The following CD6 variants were observed in gnomAD, a reference collection of about 807,000 sequenced individuals.
CD6 encodes CD6 molecule, also known as T-cell differentiation antigen CD6.
A neutral mutation model predicts 75.3 loss-of-function variants in CD6; 53 were observed. That is an observed-to-expected ratio of 0.70 (90% CI 0.56 to 0.88). The LOEUF (loss-of-function observed/expected upper bound fraction) is 0.88, where lower values mean the gene tolerates loss of function less well. CD6 is among the 40% of genes least tolerant of loss of function. The probability of loss-of-function intolerance (pLI) is 0.00; values close to 1 mark genes in which losing one functional copy is unlikely to be tolerated. For missense variants in CD6, 770 were observed against 897.1 expected (o/e 0.86, Z 1.81); for synonymous variants, 359 against 381.5 (o/e 0.94, Z 0.69).
At chr11:61,013,037 C>T (rs1234114262) in intron 6 of CD6, among the ~76,000 whole-genome samples, 1 of 152,234 alleles carries the variant, frequency 6.6e-6, no homozygotes, top group African/African-American at 2.4e-5. Context: ...CTCCGCTAGA[C>T]AAAGCCCCTC....
In CD6 at chr11:61,020,250, C is replaced by T. The variant is rs1859608792; in HGVS notation, c.*932C>T. 2.5e-6 allele frequency: 1 copy of T among 398,840 alleles called. No homozygotes were observed. Among genetic ancestry groups the T allele is most frequent in the Non-Finnish European group, 4.4e-6 (1 of 226,096 alleles). The allele number at this position is 398,840 out of a possible 1,614,324, so 24.7% of individuals were successfully genotyped here. ...GGATGCTCCTGGGAGGGATGCGTGA[C>T]TATGTGGTGTTGCACCCGGGGCTGC... is the stretch of plus-strand genomic sequence containing the variant. On this transcript the variant is annotated 3_prime_UTR_variant, in exon 13 of 13. Coordinates refer to ENST00000313421, the MANE Select transcript of CD6 (RefSeq NM_006725.5).
chr11:61,009,740 G>A lies in CD6; in HGVS notation c.950G>A (p.Gly317Glu), dbSNP rs746338429. The A allele has an allele frequency of 1.2e-6, 2 of 1,614,030 alleles. No homozygotes were observed. The highest frequency in any genetic ancestry group is 1.7e-6 in the Non-Finnish European group (2 of 1,180,012). The change falls in exon 5 of 13, where the codon GGG becomes GAG. Residue 317 changes from glycine to glutamate, a missense_variant. Gly to Glu is a moderately conservative substitution (Grantham distance 98). Transcript: ENST00000313421. ...GGAACTGCGGTTGAGAGGCCCAAGG[G>A]GCTGCCCCACTCCTTGTCCGGCAGG... Reference protein sequence around the residue: ...GCGTAVERPKGLPHSLSGRMY... With the variant: ...GCGTAVERPKELPHSLSGRMY...
chr11:61,003,300 G>C (rs1172936467), intron 1 of CD6, among the ~76,000 whole-genome samples: 3 of 151,998 alleles, frequency 2.0e-5, no homozygotes, highest in African/African-American at 7.2e-5. Flanking sequence ...TCTCAACACA[G>C]GTCATTGGGG....
At chr11:60,985,582 A>G (rs1180220246) in intron 1 of CD6, among the ~76,000 whole-genome samples, 1 of 151,832 alleles carries the variant, frequency 6.6e-6, no homozygotes, top group Non-Finnish European at 1.5e-5. Context: ...GAATATATAT[A>G]TATAAACAAA....
intron 1 of CD6, among the ~76,000 whole-genome samples, chr11:60,978,295 C>T (rs139579051): frequency 0.012 from 1,796 of 152,222 alleles, 33 homozygotes; most frequent in African/African-American, 0.041. Flanking sequence ...TTACGTCCTA[C>T]ACATGAGACC....
rs532938785 is a variant in CD6, at chr11:60,986,768, G to T, written c.49+14854G>T. ...TTCTGCCCCGGAGGCAGCTTTTGTT[G>T]CAGGTACACCTGTGGTTTAGTTTAC... is the stretch of plus-strand genomic sequence containing the variant. On this transcript the variant is annotated intron_variant, in intron 1 of 12. Transcript: ENST00000313421. Among the ~76,000 whole-genome samples, 5 of 152,262 alleles carry T rather than the reference G, an allele frequency of 3.3e-5. No homozygotes were observed. The South Asian group carries it at 1.0e-3, about 32-fold the overall frequency.
At chr11:60,983,276 G>T (rs1313235188) in intron 1 of CD6, among the ~76,000 whole-genome samples, 1 of 151,944 alleles carries the variant, frequency 6.6e-6, no homozygotes, top group African/African-American at 2.4e-5. Flanking sequence ...ATTTTTAGTA[G>T]AGACGGGGTT....
At chr11:60,985,603 A>G (rs1473847578) in intron 1 of CD6, among the ~76,000 whole-genome samples, 1 of 152,126 alleles carries the variant, frequency 6.6e-6, no homozygotes, top group Non-Finnish European at 1.5e-5. Flanking sequence ...GAAAACACTG[A>G]AACCAAAAGT....
In CD6 at chr11:60,982,539, GC is replaced by G. The variant is rs1857611647; in HGVS notation, c.49+10631del. On this transcript the variant is annotated intron_variant, in intron 1 of 12. Transcript: ENST00000313421. ...GGCGCGGGGAGACAGAGCTGAGGAA[GC>G]CCCCCAGGCCTGGAGGAGGCCCGTT... is the stretch of plus-strand genomic sequence containing the variant. 8.8e-6 allele frequency: 4 copies of G among 454,492 alleles called. No homozygotes were observed. The Admixed American group carries it at 9.4e-5, about 11-fold the overall frequency. 28.2% of individuals were successfully genotyped at this position (454,492 alleles called of 1,614,324 possible).
At chr11:60,994,347 A>G (rs1032480620) in intron 1 of CD6, among the ~76,000 whole-genome samples, 7 of 149,684 alleles carry the variant, frequency 4.7e-5, no homozygotes, top group Admixed American at 3.4e-4. Context: ...AGGCTGAGGC[A>G]GGAGAATTGC....
chr11:61,006,042 A>G (rs145863950), intron 1 of CD6, among the ~76,000 whole-genome samples: 9 of 152,346 alleles, frequency 5.9e-5, no homozygotes, highest in African/African-American at 2.2e-4. Context: ...GCACTTTGCA[A>G]TCCAGTGGTT....
chr11:61,018,480 C>CAAGGAGAAAAGGAGAAAGG, intron 12 of CD6, 87 bp downstream of exon 12: 1 of 887,094 alleles, frequency 1.1e-6, no homozygotes, highest in Non-Finnish European at 1.7e-6. Context: ...TGCATTCGCT[C>CAAGGAGAAAAGGAGAAAGG]AAGGGGAAAA....
At chr11:60,979,006 G>A (rs961658978) in intron 1 of CD6, among the ~76,000 whole-genome samples, 15 of 152,338 alleles carry the variant, frequency 9.8e-5, no homozygotes, top group African/African-American at 3.6e-4. Context: ...TTTGCACAAT[G>A]AGCTCCATCA....
intron 12 of CD6, 99 bp downstream of exon 12, chr11:61,018,492 G>GAGAAAGGAAGGGGAAAAGT: frequency 1.1e-6 from 1 of 930,314 alleles, no homozygotes. Context: ...AGGGGAAAAG[G>GAGAAAGGAAGGGGAAAAGT]AGAAAGGAAG....
At chr11:61,017,333 G>A (rs1207507211) in intron 9 of CD6, 146 bp from the exon 10 acceptor site, 4 of 641,870 alleles carry the variant, frequency 6.2e-6, no homozygotes, top group African/African-American at 1.8e-5. Context: ...GGAATTTGAT[G>A]GGAAATGCTA....
chr11:61,001,122 A>G (rs572586977), intron 1 of CD6, among the ~76,000 whole-genome samples: 150 of 152,270 alleles, frequency 9.9e-4, no homozygotes, highest in African/African-American at 3.4e-3. Context: ...TGTGGCAATA[A>G]AAGTTTAAAT....
intron 1 of CD6, among the ~76,000 whole-genome samples, chr11:60,974,791 C>T (rs1327399342): frequency 6.6e-6 from 1 of 152,194 alleles, no homozygotes; most frequent in African/African-American, 2.4e-5. Context: ...GCCCTGGTCC[C>T]GTCTCTAATT....
chr11:61,006,122 T>G (rs1029843406), intron 1 of CD6, among the ~76,000 whole-genome samples: 2 of 152,186 alleles, frequency 1.3e-5, no homozygotes, highest in African/African-American at 4.8e-5. Flanking sequence ...ATAAACAAAA[T>G]TTTCTTTTTC....
At chr11:61,010,687 A>G (rs1223733977) in intron 5 of CD6, among the ~76,000 whole-genome samples, 1 of 152,176 alleles carries the variant, frequency 6.6e-6, no homozygotes, top group Non-Finnish European at 1.5e-5. Flanking sequence ...TTTCTTTGTG[A>G]GCCTACCTGC....
Sources: allele counts gnomAD v4.1 joint callset (sites outside exome capture counted in the v4.1 genomes callset), GRCh38; gene constraint gnomAD v4.1.1; transcripts MANE v1.5; gene names NCBI Gene and HGNC (gene_info 2026-07-23, HGNC 2026-07-21).